SDC2: variants seen among roughly 807,000 people sequenced by gnomAD.
The protein encoded by SDC2 is syndecan-2.
A neutral mutation model predicts 22.2 loss-of-function variants in SDC2; 13 were observed. The observed-to-expected ratio is 0.59, with a 90% CI of 0.38 to 0.93. The LOEUF (loss-of-function observed/expected upper bound fraction) is 0.93, where lower values mean the gene tolerates loss of function less well. Ranked by LOEUF, SDC2 falls within the 40% of genes least tolerant of loss-of-function variation. The probability of loss-of-function intolerance (pLI) is 0.00; values close to 1 mark genes in which losing one functional copy is unlikely to be tolerated. For missense variants in SDC2, 235 were observed against 246.8 expected (o/e 0.95, Z 0.32); for synonymous variants, 94 against 92.8 (o/e 1.01, Z -0.07).
At chr8:96,515,086 C>G (rs1236473551) in intron 1 of SDC2, among the ~76,000 whole-genome samples, 2 of 152,216 alleles carry the variant, frequency 1.3e-5, no homozygotes, top group African/African-American at 4.8e-5. Context: ...CAGTTACCAG[C>G]TGTGACCTCT....
At chr8:96,607,852 G>A (rs370863917) in intron 3 of SDC2, among the ~76,000 whole-genome samples, 189 of 152,264 alleles carry the variant, frequency 1.2e-3, no homozygotes, top group African/African-American at 4.3e-3. Context: ...AAGGCTTGGG[G>A]ATTGCTCCCC....
At chr8:96,556,005 T>C (rs1364798535) in intron 1 of SDC2, among the ~76,000 whole-genome samples, 2 of 152,082 alleles carry the variant, frequency 1.3e-5, no homozygotes, top group East Asian at 3.9e-4. Flanking sequence ...TGCCAAAATG[T>C]AGTTCGTTTG....
At chr8:96,598,346 G>A (rs1362914360) in intron 2 of SDC2, among the ~76,000 whole-genome samples, 1 of 152,196 alleles carries the variant, frequency 6.6e-6, no homozygotes, top group Non-Finnish European at 1.5e-5. Context: ...ATAAGGCTGG[G>A]TGTGGTGGGT....
rs142103092 is a variant in SDC2 at position 96,496,608 on chromosome 8, A to G, written c.60+2277A>G. Among the ~76,000 whole-genome samples the G allele has an allele frequency of 3.3e-5, 5 of 152,358 alleles. No individual in the cohort carries two copies. In the East Asian group the frequency reaches 9.6e-4, roughly 29 times the overall value. Reference sequence around the variant, plus strand: ...AAAAGACTGAATTTAAAAAAAAATTAGCAATTACAGAATATTATTTCCAGG... The same window carrying G: ...AAAAGACTGAATTTAAAAAAAAATTGGCAATTACAGAATATTATTTCCAGG... On this transcript the variant is annotated intron_variant, in intron 1 of 4. Transcript: ENST00000302190.
chr8:96,494,139 C>A lies in SDC2; in HGVS notation c.-133C>A, dbSNP rs1176315371. On this transcript the variant is annotated 5_prime_UTR_variant, in exon 1 of 5. Coordinates refer to ENST00000302190, the MANE Select transcript of SDC2 (RefSeq NM_002998.4). The stretch of plus-strand genomic sequence containing the variant: ...GCCCCCGAGCCCCGAGCCCGAGTCC[C>A]CGAGCCTGAGCCGCAATCGCTGCGG... 1 of 928,732 alleles carries A rather than the reference C, an allele frequency of 1.1e-6. No homozygotes were observed. The highest frequency in any genetic ancestry group is 1.6e-6 in the Non-Finnish European group (1 of 638,686). The allele number at this position is 928,732 out of a possible 1,614,324, so 57.5% of individuals were successfully genotyped here. A position where few individuals can be genotyped will look rare whatever the true frequency, so the allele number is the denominator to read the frequency against.
rs368543600 is a variant in SDC2, at chr8:96,595,141, C to A, written c.172+1550C>A. Among the ~76,000 whole-genome samples the A allele has an allele frequency of 3.2e-4, 48 of 152,276 alleles. 2 individuals are homozygous for A. The East Asian group carries it at 8.5e-3, about 27-fold the overall frequency. On this transcript the variant is annotated intron_variant, in intron 2 of 4. Transcript: ENST00000302190. ...GCATGGTAGGCAAGACTTATCCAGA[C>A]CTTTTTTGCTTTAGGGTTTTTATAA... is the stretch of plus-strand genomic sequence containing the variant.
chr8:96,494,140 C>A lies in SDC2; in HGVS notation c.-132C>A, dbSNP rs1424446439. 1 of 933,928 alleles carries A rather than the reference C, an allele frequency of 1.1e-6. No individual in the cohort carries two copies. The highest frequency in any genetic ancestry group is 1.6e-6 in the Non-Finnish European group (1 of 643,258). The allele number at this position is 933,928 out of a possible 1,614,324, so 57.9% of individuals were successfully genotyped here. A position where few individuals can be genotyped will look rare whatever the true frequency, so the allele number is the denominator to read the frequency against. ...CCCCCGAGCCCCGAGCCCGAGTCCC[C>A]GAGCCTGAGCCGCAATCGCTGCGGT... On this transcript the variant is annotated 5_prime_UTR_variant, in exon 1 of 5. Coordinates refer to ENST00000302190, the MANE Select transcript of SDC2 (RefSeq NM_002998.4).
At chr8:96,564,682 T>C (rs1003524416) in intron 1 of SDC2, among the ~76,000 whole-genome samples, 1 of 152,196 alleles carries the variant, frequency 6.6e-6, no homozygotes, top group Non-Finnish European at 1.5e-5. Context: ...CTTACACACC[T>C]GTAGACTTCT....
chr8:96,595,749 A>G (rs1369923484), intron 2 of SDC2, among the ~76,000 whole-genome samples: 2 of 152,226 alleles, frequency 1.3e-5, no homozygotes, highest in Non-Finnish European at 2.9e-5. Flanking sequence ...GGACAGTCTT[A>G]GCAAATCAAC....
At chr8:96,570,629 T>C (rs1282052804) in intron 1 of SDC2, among the ~76,000 whole-genome samples, 1 of 152,186 alleles carries the variant, frequency 6.6e-6, no homozygotes, top group African/African-American at 2.4e-5. Flanking sequence ...CATGTGTCCA[T>C]TGAGTACTTG....
chr8:96,506,965 C>T (rs546759407), intron 1 of SDC2, among the ~76,000 whole-genome samples: 5 of 147,972 alleles, frequency 3.4e-5, no homozygotes, highest in East Asian at 2.0e-4. Flanking sequence ...GCCGAGATCA[C>T]GCCACCGCAC....
Position 96,593,477 on chromosome 8 carries a change from C to T in SDC2, c.61-3C>T. On this transcript the variant is annotated splice_region_variant and splice_polypyrimidine_tract_variant and intron_variant, in intron 1 of 4. Coordinates refer to ENST00000302190, the MANE Select transcript of SDC2 (RefSeq NM_002998.4). Reference sequence around the variant, plus strand: ...CCTGACTCCCTTGTCTTTCCTTTCTCAGAGAGCAGAGCTGACATCTGATAA... The same window carrying T: ...CCTGACTCCCTTGTCTTTCCTTTCTTAGAGAGCAGAGCTGACATCTGATAA... 6.2e-7 allele frequency: 1 copy of T among 1,603,970 alleles called. No homozygotes were observed. The highest frequency in any genetic ancestry group is 1.1e-5 in the South Asian group (1 of 90,782).
At chr8:96,565,125 C>T (rs533352775) in intron 1 of SDC2, among the ~76,000 whole-genome samples, 2 of 42,668 alleles carry the variant, frequency 4.7e-5, no homozygotes, top group South Asian at 1.5e-3. Flanking sequence ...GTTGCTCTGT[C>T]GCCAGGCTGG....
chr8:96,545,465 G>C (rs768697636), intron 1 of SDC2, among the ~76,000 whole-genome samples: 14 of 152,210 alleles, frequency 9.2e-5, no homozygotes, highest in Non-Finnish European at 2.1e-4. Flanking sequence ...ATGAGGACTT[G>C]AGATTTGCCT....
intron 1 of SDC2, among the ~76,000 whole-genome samples, chr8:96,574,372 A>G (rs1430599687): frequency 6.6e-6 from 1 of 152,218 alleles, no homozygotes; most frequent in African/African-American, 2.4e-5. Context: ...ATCAGCAGCA[A>G]AAAAGCCTAC....
chr8:96,494,261 C>G lies in SDC2; in HGVS notation c.-11C>G, dbSNP rs1003218186. 5.2e-6 allele frequency: 8 copies of G among 1,544,156 alleles called. No individual in the cohort carries two copies. The highest frequency in any genetic ancestry group is 7.0e-6 in the Non-Finnish European group (8 of 1,148,056). ...CAAGCAGCGGCTGGGAGCAGCCGGT[C>G]CCTGGGGAATATGCGGCGCGCGTGG... On this transcript the variant is annotated 5_prime_UTR_variant, in exon 1 of 5. Coordinates refer to ENST00000302190, the MANE Select transcript of SDC2 (RefSeq NM_002998.4).
At chr8:96,560,581 TGTA>T (rs2130560120) in intron 1 of SDC2, among the ~76,000 whole-genome samples, 1 of 152,332 alleles carries the variant, frequency 6.6e-6, no homozygotes, top group East Asian at 1.9e-4. Flanking sequence ...GGTTTTATTA[TGTA>T]TGTGATTTTA....
intron 1 of SDC2, among the ~76,000 whole-genome samples, chr8:96,512,767 C>T (rs974655775): frequency 2.6e-5 from 4 of 152,108 alleles, no homozygotes; most frequent in Non-Finnish European, 5.9e-5. Flanking sequence ...TAACAGTGTA[C>T]TTTTGATCTT....
intron 1 of SDC2, among the ~76,000 whole-genome samples, chr8:96,527,529 G>T (rs1163876905): frequency 6.6e-6 from 1 of 152,184 alleles, no homozygotes; most frequent in East Asian, 1.9e-4. Context: ...GTGGCACACA[G>T]AACCCTACGT....
Sources: allele counts gnomAD v4.1 joint callset (sites outside exome capture counted in the v4.1 genomes callset), GRCh38; gene constraint gnomAD v4.1.1; transcripts MANE v1.5; gene names NCBI Gene and HGNC (gene_info 2026-07-23, HGNC 2026-07-21).